Variants in INTS1 observed in about 807,000 individuals in gnomAD.
INTS1 encodes the protein integrator complex subunit 1.
Under a neutral mutation model 241.6 loss-of-function variants are expected in INTS1, and 137 were observed. That is an observed-to-expected ratio of 0.57 (90% CI 0.49 to 0.65). The LOEUF is 0.65. Ranked by LOEUF, INTS1 falls within the 30% of genes least tolerant of loss-of-function variation. INTS1 has a pLI of 0.00. For synonymous variants in INTS1, 1,692 were observed against 1,337.8 expected, an observed-to-expected ratio of 1.26 and a Z score of -5.78; for missense variants, 3,073 against 3,032.2, an observed-to-expected ratio of 1.01 and a Z score of -0.32.
intron 29 of INTS1, 95 bp downstream of exon 29, chr7:1,480,740 T>C: frequency 2.0e-6 from 2 of 1,022,306 alleles, no homozygotes; most frequent in Non-Finnish European, 2.9e-6. Context: ...TGTGTGGCTG[T>C]GCAGGCCCCG....
At chr7:1,502,162 A>G (rs1049144285) in intron 3 of INTS1, among the ~76,000 whole-genome samples, 3 of 152,148 alleles carry the variant, frequency 2.0e-5, no homozygotes, top group Admixed American at 2.0e-4. Flanking sequence ...TACCAAAGTC[A>G]TCAGGACACT....
rs376092004 is a variant in INTS1, at chr7:1,474,761, C to G, written c.5580G>C (p.Ala1860=). The change falls in exon 40 of 48, where the codon GCG becomes GCC. Residue 1860 remains alanine, a synonymous_variant. Coordinates refer to ENST00000404767, the MANE Select transcript of INTS1 (RefSeq NM_001080453.3). ...GCTTCCGGCAGGCCATGCTGGCATC[C>G]GCCCCTCGGTTCTCCAACGCCCGGG... is the stretch of plus-strand genomic sequence containing the variant. The part of the protein sequence containing the change: ...SDSRALENRG[A]DASMACRKLA... The G allele has an allele frequency of 6.4e-7, 1 of 1,569,432 alleles. No homozygotes were observed. Among genetic ancestry groups the G allele is most frequent in the South Asian group, 1.2e-5 (1 of 85,186 alleles).
chr7:1,476,234 T>G lies in INTS1; in HGVS notation c.5373A>C (p.Gly1791=). 6.4e-7 allele frequency: 1 copy of G among 1,552,988 alleles called. No homozygotes were observed. The highest frequency in any genetic ancestry group is 1.2e-5 in the South Asian group (1 of 84,308). ...GGGCCGGGGGGCCTGAGCACCTGTC[T>G]CCCCACTGCTGGATGCAGCCTGACA... is the stretch of plus-strand genomic sequence containing the variant. ...EHLSGCIQQW[G]DSVLGRRCRD... The change falls in exon 38 of 48, where the codon GGA becomes GGC. Residue 1791 remains glycine (G), a synonymous_variant. Coordinates refer to ENST00000404767, the MANE Select transcript of INTS1 (RefSeq NM_001080453.3).
At chr7:1,483,551 C>G (rs918116142) in intron 26 of INTS1, 191 bp downstream of exon 26, 1 of 633,178 alleles carries the variant, frequency 1.6e-6, no homozygotes, top group African/African-American at 1.8e-5. Context: ...TCCCACACGT[C>G]CACCAAGTGC....
In INTS1 at chr7:1,471,750, A is replaced by C; in HGVS notation, c.6185-109T>G. ...AGGCCCCGAGCACCACAGGACAGAAAGCACTGGAAAGCATGAGCCCAGTGA... is the reference window on the plus strand; with the variant it reads ...AGGCCCCGAGCACCACAGGACAGAACGCACTGGAAAGCATGAGCCCAGTGA... On this transcript the variant is annotated intron_variant, in intron 44 of 47. Coordinates refer to ENST00000404767, the MANE Select transcript of INTS1 (RefSeq NM_001080453.3). The C allele has an allele frequency of 5.1e-6, 5 of 982,146 alleles. No individual in the cohort carries two copies. In the South Asian group the frequency reaches 6.6e-5, roughly 13 times the overall value. The allele number at this position is 982,146 out of a possible 1,614,324, so 60.8% of individuals were successfully genotyped here. A position where few individuals can be genotyped will look rare whatever the true frequency, so the allele number is the denominator to read the frequency against.
rs370838223 is a variant in INTS1, at chr7:1,487,880, G to C, written c.2396C>G (p.Ala799Gly). 2.5e-6 allele frequency: 4 copies of C among 1,613,466 alleles called. No homozygotes were observed. The African/African-American group carries it at 5.3e-5, about 22-fold the overall frequency. ...CAGGATCTCCTGCTTCTCCCGCTGG[G>C]CGGTCTGCAGCTCACGGTTCAGCAT... The part of the protein sequence containing the change: ...TEMLNRELQT[A>G]QREKQEILAF... Residue 799 changes from alanine (A) to glycine (G), a missense_variant, in exon 19 of 48, where the codon GCC (alanine) becomes GGC (glycine). Physicochemically the swap from Ala to Gly is moderately conservative, Grantham distance 60 (BLOSUM62 0). Transcript: ENST00000404767.
chr7:1,476,097 CA>C, intron 38 of INTS1, 26 bp from the exon 39 acceptor site: 1 of 1,532,468 alleles, frequency 6.5e-7, no homozygotes, highest in Non-Finnish European at 8.8e-7. Context: ...CAGGGCTCAC[CA>C]GGCGGACGGG....
rs374288573 is a variant in INTS1, at chr7:1,500,012, T to A, written c.556A>T (p.Ser186Cys). 5 of 1,613,188 alleles carry A rather than the reference T, an allele frequency of 3.1e-6. No individual in the cohort carries two copies. In the African/African-American group the frequency reaches 6.7e-5, roughly 22 times the overall value. ...ATGGAGGCGTCCCGCCGCAGGAGGC[T>A]ACACAGAGCCTGCCAGGGAGGGCGC... is the stretch of plus-strand genomic sequence containing the variant. ...ATEGVIEALCSLLRRDASINF... is the reference protein window; with the variant it reads ...ATEGVIEALCCLLRRDASINF... Residue 186 changes from serine to cysteine, a missense_variant, in exon 5 of 48, where the codon AGC (serine) becomes TGC (cysteine). Ser to Cys is a moderately radical substitution (Grantham distance 112, BLOSUM62 -1). Coordinates refer to ENST00000404767, the MANE Select transcript of INTS1 (RefSeq NM_001080453.3).
chr7:1,503,845 A>AAAGACCCCCAAAGACCCCCC, intron 2 of INTS1, 58 bp downstream of exon 2: 3 of 1,186,844 alleles, frequency 2.5e-6, no homozygotes, highest in East Asian at 2.7e-5. Context: ...TGAGATCCCC[A>AAAGACCCCCAAAGACCCCCC]AAGACCCCCA....
chr7:1,478,589 AGGGCTCCCCT>A, intron 32 of INTS1, 83 bp from the exon 33 acceptor site: 1 of 1,534,932 alleles, frequency 6.5e-7, no homozygotes, highest in Non-Finnish European at 8.8e-7. Flanking sequence ...CCACGGTAGA[AGGGCTCCCCT>A]GGGCCCACGC....
chr7:1,479,741 G>A, intron 30 of INTS1, 57 bp from the exon 31 acceptor site: 3 of 1,429,820 alleles, frequency 2.1e-6, no homozygotes, highest in Non-Finnish European at 2.7e-6. Context: ...GAGGAGCGCA[G>A]CGGAGAGGCT....
At chr7:1,480,121 G>A (rs1490762011) in intron 30 of INTS1, among the ~76,000 whole-genome samples, 196 bp downstream of exon 30, 2 of 152,276 alleles carry the variant, frequency 1.3e-5, no homozygotes, top group Non-Finnish European at 2.9e-5. Context: ...GCCTCCATCT[G>A]AGAGCATGGG....
chr7:1,484,986 C>T, intron 24 of INTS1, 112 bp downstream of exon 24: 1 of 573,408 alleles, frequency 1.7e-6, no homozygotes, highest in Non-Finnish European at 3.1e-6. Context: ...TGGCCCCGTC[C>T]CCTCCCCAGG....
At position 1,476,812 on chromosome 7, in the gene INTS1, C is replaced by A. The variant is rs751822409; in HGVS notation, c.5045G>T (p.Gly1682Val). ...CGCCCACCTCTGTTCCCGGCTCTTG[C>A]CCAGCAGGACTCGGATGCACTGGTG... ...TLHQCIRVLL[G>V]KSREQRFDPS... The change falls in exon 36 of 48, where the codon GGC (glycine) becomes GTC (valine). Residue 1682 changes from glycine to valine, a missense_variant. By Grantham distance (109) the Gly-to-Val change is moderately radical. Transcript: ENST00000404767. The A allele has an allele frequency of 1.2e-6, 2 of 1,612,878 alleles. No individual in the cohort carries two copies. The highest frequency in any genetic ancestry group is 1.7e-6 in the Non-Finnish European group (2 of 1,179,850).
In INTS1 at chr7:1,497,281, T is replaced by G; in HGVS notation, c.1459A>C (p.Asn487His). 1 of 1,613,340 alleles carries G rather than the reference T, an allele frequency of 6.2e-7. No homozygotes were observed. The highest frequency in any genetic ancestry group is 1.1e-5 in the South Asian group (1 of 91,062). Residue 487 changes from asparagine (N) to histidine (H), a missense_variant, in exon 11 of 48, where the codon AAC (asparagine) becomes CAC (histidine). By Grantham distance (68) the Asn-to-His change is moderately conservative (BLOSUM62 1). Transcript: ENST00000404767. This position sits in a 1 kb window ranked among gnomAD's most constrained non-coding sequence, Gnocchi z 5.3. The stretch of plus-strand genomic sequence containing the variant: ...GAGGCCCGCAGGTAGTCGTCCTTGT[T>G]GGTCAGCAGGTCCTGGAACACCATG... ...LAMVFQDLLT[N>H]KDDYLRASRA...
chr7:1,475,928 C>G lies in INTS1; in HGVS notation c.5502+20G>C. The G allele has an allele frequency of 3.3e-6, 5 of 1,527,462 alleles. No individual in the cohort carries two copies. Among genetic ancestry groups the G allele is most frequent in the Non-Finnish European group, 4.4e-6 (5 of 1,137,780 alleles). The allele number at this position is 1,527,462 out of a possible 1,614,324, so 94.6% of individuals were successfully genotyped here. ...GGGCACCTGGGACGGCGGCGGGGAG[C>G]GGCAGAGTTGCGCCCTCACCTTGCA... is the stretch of plus-strand genomic sequence containing the variant. On this transcript the variant is annotated intron_variant, in intron 39 of 47. Coordinates refer to ENST00000404767, the MANE Select transcript of INTS1 (RefSeq NM_001080453.3).
chr7:1,494,924 G>C, intron 13 of INTS1, 31 bp from the exon 14 acceptor site: 6 of 1,549,570 alleles, frequency 3.9e-6, no homozygotes, highest in Non-Finnish European at 5.2e-6. Context: ...CCTCAGTCAT[G>C]ATGTGGGTGC....
At chr7:1,492,947 T>TGGGAGTG in intron 16 of INTS1, 63 bp downstream of exon 16, 1 of 842,290 alleles carries the variant, frequency 1.2e-6, no homozygotes, top group East Asian at 3.7e-5. Flanking sequence ...CTTACCCGGG[T>TGGGAGTG]GGGAGTGGGG....
In INTS1 at chr7:1,478,971, C is replaced by G; in HGVS notation, c.4330-86G>C. On this transcript the variant is annotated intron_variant, in intron 31 of 47. Transcript: ENST00000404767. The stretch of plus-strand genomic sequence containing the variant: ...GAGGCCCAGAGCAGGGCCCGTGAGG[C>G]TGCTGAGACCTGCCGCGACCGGCAC... The G allele has an allele frequency of 2.1e-6, 3 of 1,412,108 alleles. No homozygotes were observed. In the South Asian group the frequency reaches 4.1e-5, roughly 19 times the overall value. 87.5% of individuals were successfully genotyped at this position (1,412,108 alleles called of 1,614,324 possible).
Sources: gnomAD v4.1 joint callset for allele counts (sites outside exome capture counted in the v4.1 genomes callset) on GRCh38, gnomAD v4.1.1 for gene constraint, Gnocchi (gnomAD v3.1) non-coding constraint, MANE v1.5 for transcripts, NCBI Gene and HGNC (gene_info 2026-07-23, HGNC 2026-07-21) for gene names.